The following HMGXB3 variants were observed in gnomAD, a reference collection of about 807,000 sequenced individuals.
HMGXB3 encodes the protein HMG domain-containing protein 3.
A neutral mutation model predicts 121.5 loss-of-function variants in HMGXB3; 45 were observed. The ratio of observed to expected loss-of-function variants is 0.37; its 90% CI spans 0.29 to 0.47. The LOEUF is 0.47. Among genes scored for constraint, HMGXB3 ranks in the 20% least tolerant of loss-of-function variants. HMGXB3 has a pLI of 0.99. For synonymous variants in HMGXB3, 590 were observed against 624.1 expected, an observed-to-expected ratio of 0.95 and a Z score of 0.81; for missense variants, 1,376 against 1,602.2, an observed-to-expected ratio of 0.86 and a Z score of 2.41.
At chr5:150,009,199 T>A (rs1357521860) in intron 3 of HMGXB3, among the ~76,000 whole-genome samples, 1 of 152,230 alleles carries the variant, frequency 6.6e-6, no homozygotes, top group African/African-American at 2.4e-5. Context: ...TTTTAGTACC[T>A]GGCCTTCTTG....
intron 16 of HMGXB3, among the ~76,000 whole-genome samples, chr5:150,046,050 A>T (rs1347791327): frequency 6.6e-6 from 1 of 152,142 alleles, no homozygotes. Flanking sequence ...GGCCTCCCAG[A>T]GGGTTTTGCA....
chr5:150,030,915 TG>T lies in HMGXB3; in HGVS notation c.1833+81del. 3.8e-6 allele frequency: 4 copies of T among 1,042,564 alleles called. No individual in the cohort carries two copies. In the South Asian group the frequency reaches 4.2e-5, roughly 11 times the overall value. The allele number at this position is 1,042,564 out of a possible 1,614,324, so 64.6% of individuals were successfully genotyped here. On this transcript the variant is annotated intron_variant, in intron 10 of 19. Transcript: ENST00000502717. Reference sequence around the variant, plus strand: ...TTGTGGTTGAAGGTCAGTAGGAGGCTGGGGGAGAGGGTGGTGGTAGCTGGGA... The same window carrying T: ...TTGTGGTTGAAGGTCAGTAGGAGGCTGGGGAGAGGGTGGTGGTAGCTGGGA...
rs182053765 is a variant in HMGXB3, at chr5:150,018,281, T to C, written c.910-285T>C. On this transcript the variant is annotated intron_variant, in intron 5 of 19. Coordinates refer to ENST00000502717, the MANE Select transcript of HMGXB3 (RefSeq NM_014983.3). ...GAAATATTGGTAAAGTGTTTAGCAT[T>C]GTGTGGTGCCTAGCTCAATGCATAG... Among the ~76,000 whole-genome samples the C allele has an allele frequency of 9.2e-5, 14 of 152,350 alleles. No homozygotes were observed. In the East Asian group the frequency reaches 2.3e-3, roughly 25 times the overall value.
chr5:150,029,503 C>T (rs1321819985), intron 9 of HMGXB3, among the ~76,000 whole-genome samples: 1 of 152,116 alleles, frequency 6.6e-6, no homozygotes, highest in Non-Finnish European at 1.5e-5. Context: ...TCATGACCTT[C>T]AGTAACAGGC....
At chr5:150,003,599 T>C (rs527806669) in intron 1 of HMGXB3, among the ~76,000 whole-genome samples, 4 of 150,178 alleles carry the variant, frequency 2.7e-5, no homozygotes, top group East Asian at 3.9e-4. Flanking sequence ...TTTTAAATTA[T>C]ATAAAATTAA....
At position 150,037,983 on chromosome 5, in the gene HMGXB3, T is replaced by G. The variant is rs186710161; in HGVS notation, c.2413+456T>G. On this transcript the variant is annotated intron_variant, in intron 13 of 19. Coordinates refer to ENST00000502717, the MANE Select transcript of HMGXB3 (RefSeq NM_014983.3). ...GTGCTTTTTAAACTTAGGGGTACAT[T>G]GTGGGCATCTTCCTGTGCCAGCAAG... Among the ~76,000 whole-genome samples the G allele has an allele frequency of 6.5e-4, 99 of 152,338 alleles. 1 individual carries two copies. Among genetic ancestry groups the G allele is most frequent in the African/African-American group, 2.0e-3 (85 of 41,584 alleles).
chr5:150,017,082 T>C (rs2113733946), intron 5 of HMGXB3, among the ~76,000 whole-genome samples: 1 of 152,328 alleles, frequency 6.6e-6, no homozygotes, highest in Admixed American at 6.5e-5. Context: ...TACTGTTCTT[T>C]CATGCTCTAA....
intron 13 of HMGXB3, among the ~76,000 whole-genome samples, chr5:150,039,154 G>A (rs1756566821): frequency 6.6e-6 from 1 of 152,182 alleles, no homozygotes; most frequent in Non-Finnish European, 1.5e-5. Flanking sequence ...CGTATAAACT[G>A]TAGAGTCAGC....
At chr5:150,026,181 T>C (rs1756226640) in intron 7 of HMGXB3, among the ~76,000 whole-genome samples, 2 of 152,068 alleles carry the variant, frequency 1.3e-5, no homozygotes, top group South Asian at 4.1e-4. Context: ...TTGGCGATGG[T>C]TTTGTATATT....
intron 9 of HMGXB3, 114 bp downstream of exon 9, chr5:150,027,231 G>A: frequency 1.5e-6 from 1 of 676,434 alleles, no homozygotes; most frequent in South Asian, 2.4e-5. Flanking sequence ...CAGACCTCTG[G>A]GTGGAGGTTA....
chr5:150,046,498 T>C (rs1385513265), intron 16 of HMGXB3, among the ~76,000 whole-genome samples: 2 of 152,224 alleles, frequency 1.3e-5, no homozygotes, highest in East Asian at 3.9e-4. Flanking sequence ...ATCCACTGGT[T>C]CTCAAACAGT....
intron 18 of HMGXB3, 98 bp from the exon 19 acceptor site, chr5:150,050,154 G>A: frequency 1.9e-6 from 2 of 1,066,324 alleles, no homozygotes; most frequent in Non-Finnish European, 2.8e-6. Flanking sequence ...CCCTGAAGCT[G>A]ATTGCTCATC....
chr5:150,030,000 T>C (rs548922464), intron 9 of HMGXB3, among the ~76,000 whole-genome samples: 4 of 152,352 alleles, frequency 2.6e-5, no homozygotes, highest in Admixed American at 2.6e-4. Context: ...TCCTTTTGAT[T>C]GGTGACATTG....
rs1756406680 is a variant in HMGXB3 at position 150,032,615 on chromosome 5, C to T, written c.1983+12C>T. The T allele has an allele frequency of 1.9e-6, 3 of 1,552,126 alleles. No individual in the cohort carries two copies. The highest frequency in any genetic ancestry group is 2.6e-6 in the Non-Finnish European group (3 of 1,146,974). On this transcript the variant is annotated intron_variant, in intron 11 of 19. Transcript: ENST00000502717. Reference sequence around the variant, plus strand: ...CCACCAAGGCTATCGTGAGTTCCTTCCCCCAAACACATCCCCTGGCCTGTT... The same window carrying T: ...CCACCAAGGCTATCGTGAGTTCCTTTCCCCAAACACATCCCCTGGCCTGTT...
At chr5:150,041,692 G>T (rs1756637618) in intron 14 of HMGXB3, 93 bp from the exon 15 acceptor site, 6 of 878,020 alleles carry the variant, frequency 6.8e-6, no homozygotes, top group Non-Finnish European at 1.1e-5. Context: ...AATCAGTCTG[G>T]CAGAATTGCT....
chr5:150,020,865 G>A (rs1026521199), intron 6 of HMGXB3, among the ~76,000 whole-genome samples: 32 of 150,896 alleles, frequency 2.1e-4, no homozygotes, highest in African/African-American at 5.9e-4. Flanking sequence ...TCAGCCTCCC[G>A]AGTAGCTGGG....
intron 13 of HMGXB3, among the ~76,000 whole-genome samples, 191 bp from the exon 14 acceptor site, chr5:150,040,557 T>G (rs1259850794): frequency 6.6e-6 from 1 of 151,662 alleles, no homozygotes; most frequent in Non-Finnish European, 1.5e-5. Context: ...GTTTTGTTTT[T>G]TTGAGATGGA....
At chr5:150,025,820 G>A (rs953075702) in intron 7 of HMGXB3, among the ~76,000 whole-genome samples, 2 of 151,786 alleles carry the variant, frequency 1.3e-5, no homozygotes, top group Admixed American at 6.6e-5. Flanking sequence ...TGATCCGCCC[G>A]CCTTGGCCTC....
intron 6 of HMGXB3, among the ~76,000 whole-genome samples, chr5:150,023,376 T>A (rs1756147254): frequency 6.6e-6 from 1 of 152,144 alleles, no homozygotes; most frequent in Non-Finnish European, 1.5e-5. Flanking sequence ...AAATGAGGAT[T>A]CAATTGAAGC....
Sources: allele counts gnomAD v4.1 joint callset (sites outside exome capture counted in the v4.1 genomes callset), GRCh38; gene constraint gnomAD v4.1.1; transcripts MANE v1.5; gene names NCBI Gene and HGNC (gene_info 2026-07-23, HGNC 2026-07-21).